RBM6: variants seen among roughly 807,000 people sequenced by gnomAD.
RBM6 encodes the protein RNA-binding protein 6.
In RBM6, 23 loss-of-function variants were observed where a neutral mutation model predicts 140.4. The ratio of observed to expected loss-of-function variants is 0.16; its 90% CI spans 0.12 to 0.23. The LOEUF (loss-of-function observed/expected upper bound fraction) is 0.23. Ranked by LOEUF, RBM6 falls within the 10% of genes least tolerant of loss-of-function variation. The pLI, the probability that RBM6 is intolerant of heterozygous loss-of-function variation, is 1.00. For missense variants in RBM6, 1,139 were observed against 1,386.7 expected, an observed-to-expected ratio of 0.82 and a Z score of 2.84; for synonymous variants, 439 against 475.6, an observed-to-expected ratio of 0.92 and a Z score of 1.00.
intron 1 of RBM6, among the ~76,000 whole-genome samples, chr3:49,961,301 C>T (rs2084271582): frequency 6.6e-6 from 1 of 152,052 alleles, no homozygotes; most frequent in Non-Finnish European, 1.5e-5. Flanking sequence ...TGGTCTCGAA[C>T]TCCTGACCTC....
chr3:49,952,625 G>C (rs963395735), intron 1 of RBM6, among the ~76,000 whole-genome samples: 1 of 150,552 alleles, frequency 6.6e-6, no homozygotes, highest in Non-Finnish European at 1.5e-5. Flanking sequence ...TCAGCCTCCC[G>C]AGTAGCTGGG....
chr3:49,975,302 A>T (rs1443798421), intron 4 of RBM6, 21 bp from the exon 5 acceptor site: 1 of 1,575,804 alleles, frequency 6.3e-7, no homozygotes, highest in Non-Finnish European at 8.7e-7. Context: ...TATCATTTGT[A>T]TAAATGCCAT....
chr3:50,048,276 C>A lies in RBM6; in HGVS notation c.1589C>A (p.Thr530Asn), dbSNP rs2089309095. 1 of 1,613,408 alleles carries A rather than the reference C, an allele frequency of 6.2e-7. No homozygotes were observed. Residue 530 changes from threonine to asparagine, a missense_variant, in exon 7 of 21, where the codon ACC (threonine) becomes AAC (asparagine). Thr to Asn is a moderately conservative substitution (Grantham distance 65, BLOSUM62 0). Around this residue, in one of 9 missense-constraint regions of RBM6, gnomAD observed 58 missense variants for 99.7 expected, o/e 0.58. Coordinates refer to ENST00000266022, the MANE Select transcript of RBM6 (RefSeq NM_005777.3). ...CTAATGATCCAGGACAAAGAAGTTA[C>A]CCTGGAGTATGTATCAAGCCTGGAT... ...GTLMIQDKEV[T>N]LEYVSSLDFW...
chr3:50,035,695 T>C (rs183089423), intron 6 of RBM6, among the ~76,000 whole-genome samples: 7 of 151,808 alleles, frequency 4.6e-5, no homozygotes, highest in African/African-American at 1.7e-4. Context: ...AAAAAATAAA[T>C]AAAAAAGAAA....
chr3:50,046,915 T>G (rs897617577), intron 6 of RBM6, among the ~76,000 whole-genome samples: 1 of 152,204 alleles, frequency 6.6e-6, no homozygotes, highest in Non-Finnish European at 1.5e-5. Context: ...GTAGATAATG[T>G]TATTTCATCG....
In RBM6 at chr3:50,075,263, A is replaced by G; in HGVS notation, c.3179A>G (p.Gln1060Arg). 3 of 1,614,240 alleles carry G rather than the reference A, an allele frequency of 1.9e-6. No homozygotes were observed. The highest frequency in any genetic ancestry group is 2.5e-6 in the Non-Finnish European group (3 of 1,180,034). The change falls in exon 20 of 21, where the codon CAG becomes CGG. Residue 1060 changes from glutamine to arginine, a missense_variant. Transcript: ENST00000266022. ...AGCAGCAAAGGAGGCTGTGTCCAAC[A>G]GGCTACTGGCTGGAGGAAAGGGACA... ...DTSSKGGCVQ[Q>R]ATGWRKGTGL...
chr3:49,964,814 A>G (rs1488751059), intron 2 of RBM6, among the ~76,000 whole-genome samples: 1 of 152,180 alleles, frequency 6.6e-6, no homozygotes, highest in Non-Finnish European at 1.5e-5. Context: ...ATTTAGCTTT[A>G]TTGTCTAACT....
chr3:49,950,483 T>A (rs2083685983), intron 1 of RBM6, among the ~76,000 whole-genome samples: 1 of 152,098 alleles, frequency 6.6e-6, no homozygotes, highest in Admixed American at 6.6e-5. Flanking sequence ...AGGCCAGGCG[T>A]GGTGACTCAG....
intron 19 of RBM6, among the ~76,000 whole-genome samples, chr3:50,072,103 A>G: frequency 6.8e-6 from 1 of 148,004 alleles, no homozygotes; most frequent in Admixed American, 6.8e-5. Context: ...AAAAAAAAAA[A>G]AAGAAAAGGA....
chr3:49,951,855 T>G (rs968298580), intron 1 of RBM6, among the ~76,000 whole-genome samples: 6 of 152,020 alleles, frequency 3.9e-5, no homozygotes, highest in Non-Finnish European at 7.4e-5. Context: ...CCCAAGTAGC[T>G]GGGAATACAG....
intron 12 of RBM6, 28 bp from the exon 13 acceptor site, chr3:50,061,112 G>A (rs2089920055): frequency 1.9e-6 from 3 of 1,613,976 alleles, no homozygotes; most frequent in Non-Finnish European, 1.7e-6. Context: ...GGATAGTTCT[G>A]TAATTTTAAC....
Position 50,061,214 on chromosome 3 carries a change from A to G in RBM6, c.2346A>G (p.Gly782=), listed in dbSNP as rs367845155. ...GGTCTTCAGATACAAATCGACAAGG[A>G]CAACAGTGTAAGTAACCTTTGTTTT... ...SDWSSDTNRQ[G]QQSSSDCYIY... is the part of the protein sequence containing the mutation. The change falls in exon 13 of 21, where the codon GGA becomes GGG. Residue 782 remains glycine (G), a synonymous_variant. Coordinates refer to ENST00000266022, the MANE Select transcript of RBM6 (RefSeq NM_005777.3). The G allele has an allele frequency of 6.2e-7, 1 of 1,614,064 alleles. No homozygotes were observed. Among genetic ancestry groups the G allele is most frequent in the African/African-American group, 1.3e-5 (1 of 74,920 alleles).
chr3:50,004,135 A>AGCT (rs1195541870), intron 6 of RBM6, among the ~76,000 whole-genome samples: 90 of 152,256 alleles, frequency 5.9e-4, no homozygotes, highest in Middle Eastern at 3.4e-3. Flanking sequence ...TATGTTCTCA[A>AGCT]GTATGCTGGT....
chr3:50,026,654 A>G (rs913538073), intron 6 of RBM6, among the ~76,000 whole-genome samples: 2 of 151,736 alleles, frequency 1.3e-5, no homozygotes, highest in African/African-American at 4.8e-5. Flanking sequence ...AAAAAGAAAA[A>G]AAAATATAGG....
At chr3:49,965,386 T>G (rs2084460610) in intron 2 of RBM6, among the ~76,000 whole-genome samples, 1 of 152,172 alleles carries the variant, frequency 6.6e-6, no homozygotes, top group South Asian at 2.1e-4. Context: ...GAAGAACATC[T>G]AGGGCGGGCG....
At chr3:49,944,549 C>T (rs1472251481) in intron 1 of RBM6, among the ~76,000 whole-genome samples, 2 of 150,524 alleles carry the variant, frequency 1.3e-5, no homozygotes, top group East Asian at 3.9e-4. Flanking sequence ...GACCTTGGCT[C>T]ACTGCAACCT....
At chr3:49,962,737 TG>T in intron 2 of RBM6, 52 bp downstream of exon 2, 4 of 1,435,184 alleles carry the variant, frequency 2.8e-6, no homozygotes, top group African/African-American at 1.5e-5. Flanking sequence ...ATTATAAATG[TG>T]TAACATTTTC....
chr3:49,954,769 T>G (rs2083896653), intron 1 of RBM6, among the ~76,000 whole-genome samples: 1 of 152,122 alleles, frequency 6.6e-6, no homozygotes, highest in East Asian at 1.9e-4. Flanking sequence ...ACACTTTTTT[T>G]TTTTTTTGAA....
At chr3:49,960,429 A>T (rs568254292) in intron 1 of RBM6, among the ~76,000 whole-genome samples, 1 of 152,324 alleles carries the variant, frequency 6.6e-6, no homozygotes, top group South Asian at 2.1e-4. Context: ...CTATGAAGGA[A>T]TGAGACCTTG....
Sources: allele counts gnomAD v4.1 joint callset (sites outside exome capture counted in the v4.1 genomes callset), GRCh38; gene constraint gnomAD v4.1.1; regional missense constraint gnomAD v4.1.1; transcripts MANE v1.5; gene names NCBI Gene and HGNC (gene_info 2026-07-23, HGNC 2026-07-21).